HEATR4: variants seen among roughly 807,000 people sequenced by gnomAD.
The protein encoded by HEATR4 is HEAT repeat containing 4.
HEATR4 carries 95 observed loss-of-function variants against 108.8 expected under a neutral mutation model. The observed-to-expected ratio is 0.87, with a 90% CI of 0.74 to 1.04. HEATR4 has a LOEUF of 1.04. HEATR4 is among the 50% of genes least tolerant of loss of function. The pLI, the probability that HEATR4 is intolerant of heterozygous loss-of-function variation, is 0.00. For missense variants in HEATR4, 1,152 were observed against 1,253.8 expected, an observed-to-expected ratio of 0.92 and a Z score of 1.23; for synonymous variants, 443 against 459.4, an observed-to-expected ratio of 0.96 and a Z score of 0.46.
the HEATR4 span, chr14:73,619,249 AT>A: frequency 6.3e-7 from 1 of 1,589,592 alleles, no homozygotes. Context: ...AGGTCCTAGT[AT>A]TGCGCTTCTT....
the HEATR4 span, among the ~76,000 whole-genome samples, chr14:73,584,821 C>T: frequency 2.7e-5 from 4 of 149,772 alleles, no homozygotes; most frequent in Admixed American, 6.7e-5. Context: ...TCCCCTGTGC[C>T]GACACAAATC....
At chr14:73,612,644 G>A in the HEATR4 span, 6 of 1,402,594 alleles carry the variant, frequency 4.3e-6, no homozygotes, top group African/African-American at 6.0e-5. Context: ...CGCAGTGCGC[G>A]GCCTGGCCCC....
the HEATR4 span, among the ~76,000 whole-genome samples, chr14:73,608,899 A>T: frequency 1.3e-5 from 2 of 152,166 alleles, no homozygotes; most frequent in African/African-American, 2.4e-5. Context: ...GCGGCAACAA[A>T]AAGTGCTGAG....
chr14:73,618,400 C>T, the HEATR4 span, among the ~76,000 whole-genome samples: 8 of 146,480 alleles, frequency 5.5e-5, no homozygotes, highest in Admixed American at 2.7e-4. Flanking sequence ...GTATATATAC[C>T]TAGGCCTTAA....
At chr14:73,508,095 C>A in intron 9 of HEATR4, 39 bp downstream of exon 9, 1 of 1,594,160 alleles carries the variant, frequency 6.3e-7, no homozygotes, top group South Asian at 1.1e-5. Flanking sequence ...GACCTAATTG[C>A]TCCCCAAAAC....
Position 73,498,219 on chromosome 14 carries a change from C to G in HEATR4, c.2482G>C (p.Gly828Arg), listed in dbSNP as rs1441495214. 6.2e-7 allele frequency: 1 copy of G among 1,614,074 alleles called. No individual in the cohort carries two copies. The highest frequency in any genetic ancestry group is 1.7e-5 in the Admixed American group (1 of 59,994). ...CRSILALKLQ[G>R]DRVRDTFLDV... is the part of the protein sequence containing the mutation. Reference sequence around the variant, plus strand: ...AGGAAGGTGTCCCTGACCCGGTCCCCTTGAAGTTTCAGGGCTAGGATGCTA... The same window carrying G: ...AGGAAGGTGTCCCTGACCCGGTCCCGTTGAAGTTTCAGGGCTAGGATGCTA... The change falls in exon 14 of 18, where the codon GGG becomes CGG. Residue 828 changes from glycine to arginine, a missense_variant. By Grantham distance (125) the Gly-to-Arg change is moderately radical (BLOSUM62 -2). Transcript: ENST00000553558.
the HEATR4 span, among the ~76,000 whole-genome samples, chr14:73,626,905 C>T: frequency 6.8e-6 from 1 of 147,948 alleles, no homozygotes; most frequent in African/African-American, 2.5e-5. Context: ...GATTCTCCTG[C>T]CTTAGCCCCC....
rs1889200910 is a variant in HEATR4, at chr14:73,544,506, G to A, written c.-152+14245C>T. Among the ~76,000 whole-genome samples the A allele has an allele frequency of 1.7e-5, 2 of 114,762 alleles. 1 individual carries two copies. Among genetic ancestry groups the A allele is most frequent in the African/African-American group, 5.7e-5 (2 of 35,398 alleles). 75.3% of individuals were successfully genotyped at this position (114,762 alleles called of 152,430 possible). A position where few individuals can be genotyped will look rare whatever the true frequency, so the allele number is the denominator to read the frequency against. Reference sequence around the variant, plus strand: ...TGATATCTTCTCCTTGGATTAATAAGGATTCTCCTAGTGCAAATAAATTTT... The same window carrying A: ...TGATATCTTCTCCTTGGATTAATAAAGATTCTCCTAGTGCAAATAAATTTT... On this transcript the variant is annotated intron_variant, in intron 1 of 17. Transcript: ENST00000553558.
At chr14:73,538,925 G>A (rs1182217489) in intron 1 of HEATR4, among the ~76,000 whole-genome samples, 1 of 113,822 alleles carries the variant, frequency 8.8e-6, no homozygotes, top group African/African-American at 2.9e-5. Context: ...CCGAGATCAC[G>A]CCATTGTACT....
rs776741055 is a variant in HEATR4, at chr14:73,512,017, T to C, written c.1547A>G (p.Gln516Arg). 4 of 1,613,918 alleles carry C rather than the reference T, an allele frequency of 2.5e-6. No homozygotes were observed. Among genetic ancestry groups the C allele is most frequent in the African/African-American group, 2.7e-5 (2 of 74,926 alleles). Residue 516 changes from glutamine (Q) to arginine (R), a missense_variant, in exon 7 of 18, where the codon CAG becomes CGG. Gln to Arg is a conservative substitution (Grantham distance 43, BLOSUM62 1). Transcript: ENST00000553558. ...ALERPRIATS[Q>R]RDSDKTIQDL... ...GCTTTGGCTCTCACCTGAGTCTCTCTGGCTGGTGGCAATCCGGGGCCGTTC... is the reference window on the plus strand; with the variant it reads ...GCTTTGGCTCTCACCTGAGTCTCTCCGGCTGGTGGCAATCCGGGGCCGTTC...
chr14:73,482,154 C>T (rs1316543846), intron 17 of HEATR4, among the ~76,000 whole-genome samples: 4 of 151,594 alleles, frequency 2.6e-5, no homozygotes, highest in Non-Finnish European at 4.4e-5. Flanking sequence ...AGGAGGCCCA[C>T]GCAGGCAGAT....
At chr14:73,591,837 C>T in the HEATR4 span, 3 of 997,812 alleles carry the variant, frequency 3.0e-6, no homozygotes, top group Non-Finnish European at 4.0e-6. Context: ...TCTGGGACTG[C>T]TCAGCCACCG....
the HEATR4 span, among the ~76,000 whole-genome samples, chr14:73,606,446 C>A: frequency 1.3e-5 from 2 of 151,718 alleles, no homozygotes; most frequent in African/African-American, 4.8e-5. Flanking sequence ...AATAATAAAA[C>A]TCCAGTCTCC....
In HEATR4 at chr14:73,523,156, G is replaced by A. The variant is rs768668349; in HGVS notation, c.-4C>T. On this transcript the variant is annotated 5_prime_UTR_variant, in exon 3 of 18. Coordinates refer to ENST00000553558, the MANE Select transcript of HEATR4 (RefSeq NM_001220484.1). ...TTCCCTTCTGGGTCCTGGTCATACC[G>A]CGTCCCAGCAAATGCTTCCTTCCAC... 1.3e-6 allele frequency: 2 copies of A among 1,572,006 alleles called. No homozygotes were observed. Among genetic ancestry groups the A allele is most frequent in the East Asian group, 2.3e-5 (1 of 44,164 alleles).
intron 17 of HEATR4, chr14:73,480,811 G>A (rs908381097): frequency 2.0e-5 from 3 of 152,168 alleles, no homozygotes; most frequent in Non-Finnish European, 4.4e-5. Flanking sequence ...AAGGTCAGGA[G>A]TTCGAGACCA....
chr14:73,538,178 G>A (rs1263915253), intron 1 of HEATR4, among the ~76,000 whole-genome samples: 1 of 113,352 alleles, frequency 8.8e-6, no homozygotes, highest in African/African-American at 2.9e-5. Flanking sequence ...TCGTCCCTGC[G>A]CTTTTCATAC....
chr14:73,525,671 G>T (rs898614652), intron 2 of HEATR4, among the ~76,000 whole-genome samples: 3 of 152,156 alleles, frequency 2.0e-5, no homozygotes, highest in African/African-American at 7.2e-5. Context: ...AGCACCTTTA[G>T]GCCGGATGCG....
the HEATR4 span, among the ~76,000 whole-genome samples, chr14:73,602,875 A>G: frequency 6.6e-6 from 1 of 152,132 alleles, no homozygotes; most frequent in Non-Finnish European, 1.5e-5. Context: ...TAGCATCTCA[A>G]ATTTAGAGAT....
At chr14:73,498,469 G>A in intron 13 of HEATR4, 125 bp from the exon 14 acceptor site, 2 of 810,860 alleles carry the variant, frequency 2.5e-6, no homozygotes, top group South Asian at 3.8e-5. Flanking sequence ...TAGAATTTTA[G>A]GGATAGGTCA....
Sources: gnomAD v4.1 joint callset for allele counts (sites outside exome capture counted in the v4.1 genomes callset) on GRCh38, gnomAD v4.1.1 for gene constraint, MANE v1.5 for transcripts, NCBI Gene and HGNC (gene_info 2026-07-23, HGNC 2026-07-21) for gene names.